The following DRICH1 variants were observed in gnomAD, a reference collection of about 807,000 sequenced individuals.
DRICH1 encodes aspartate-rich protein 1.
In DRICH1, 38 loss-of-function variants were observed where a neutral mutation model predicts 39.5. That is an observed-to-expected ratio of 0.96 (90% CI 0.74 to 1.26). DRICH1 has a LOEUF of 1.26. DRICH1 is among the 50% of genes most tolerant of loss of function. DRICH1 has a pLI of 0.00. For missense variants in DRICH1, 279 were observed against 270.4 expected (o/e 1.03, Z -0.22); for synonymous variants, 84 against 99.5 (o/e 0.84, Z 0.93).
chr22:23,625,960 G>T, intron 2 of DRICH1, 21 bp downstream of exon 2: 2 of 1,599,366 alleles, frequency 1.3e-6, no homozygotes, highest in Non-Finnish European at 1.7e-6. Flanking sequence ...TTCCTTAGAA[G>T]GCAAAGAAAG....
At position 23,613,942 on chromosome 22, in the gene DRICH1, C is replaced by T. The variant is rs185959504; in HGVS notation, c.621+193G>A. 2.1e-3 allele frequency among the ~76,000 whole-genome samples: 321 copies of T among 152,242 alleles called. 1 individual carries two copies. The highest frequency in any genetic ancestry group is 6.8e-3 in the African/African-American group (284 of 41,540). ...TCAGTATTCCAGTTGATAATGGATG[C>T]TGTCATTTAAAAGCACCCTAGTGGA... On this transcript the variant is annotated intron_variant, in intron 9 of 11. Transcript: ENST00000317749.
At chr22:23,591,230 G>C in the DRICH1 span, among the ~76,000 whole-genome samples, 1 of 152,126 alleles carries the variant, frequency 6.6e-6, no homozygotes, top group Non-Finnish European at 1.5e-5. Flanking sequence ...AAGACACTGA[G>C]TCCCAAGCAG....
chr22:23,632,498 T>C (rs1326473061), upstream of DRICH1, among the ~76,000 whole-genome samples: 1 of 152,136 alleles, frequency 6.6e-6, no homozygotes, highest in Non-Finnish European at 1.5e-5. Flanking sequence ...TGCCCCTCTG[T>C]GGGGACTGCA....
chr22:23,623,586 A>C (rs1279656473), intron 3 of DRICH1, among the ~76,000 whole-genome samples: 1 of 152,244 alleles, frequency 6.6e-6, no homozygotes, highest in East Asian at 1.9e-4. Flanking sequence ...CTACACAAAT[A>C]ATCTACAGAT....
chr22:23,616,961 C>T (rs1927392025), intron 7 of DRICH1, 87 bp from the exon 8 acceptor site: 2 of 1,472,268 alleles, frequency 1.4e-6, no homozygotes, highest in Non-Finnish European at 1.9e-6. Context: ...TTGATGACTT[C>T]ACAAAACTAT....
the DRICH1 span, among the ~76,000 whole-genome samples, chr22:23,600,636 C>G: frequency 6.6e-6 from 1 of 151,930 alleles, no homozygotes; most frequent in Non-Finnish European, 1.5e-5. Context: ...TCCCCACCCC[C>G]ACTAGCCTCC....
chr22:23,597,504 A>C, the DRICH1 span, among the ~76,000 whole-genome samples: 7 of 145,520 alleles, frequency 4.8e-5, no homozygotes, highest in African/African-American at 1.8e-4. Context: ...CCCTGTCTCA[A>C]AAAAAAAAAA....
chr22:23,632,363 T>C (rs1921011577), upstream of DRICH1: 2 of 315,020 alleles, frequency 6.3e-6, no homozygotes, highest in African/African-American at 2.1e-5. Context: ...CCCACAAAGC[T>C]TCCTATGTCA....
intron 2 of DRICH1, 100 bp downstream of exon 2, chr22:23,625,881 T>G: frequency 1.1e-6 from 1 of 903,570 alleles, no homozygotes; most frequent in Non-Finnish European, 1.8e-6. Flanking sequence ...TTTGCTGTTC[T>G]GCAGGCCTCT....
chr22:23,617,222 C>T (rs1927408338), intron 7 of DRICH1, among the ~76,000 whole-genome samples: 1 of 152,216 alleles, frequency 6.6e-6, no homozygotes. Context: ...TCCCACTGAA[C>T]TCCATCCTCA....
intron 5 of DRICH1, among the ~76,000 whole-genome samples, chr22:23,619,867 CT>C (rs1451138479): frequency 1.3e-5 from 2 of 152,162 alleles, no homozygotes; most frequent in East Asian, 1.9e-4. Flanking sequence ...AATGAATGTG[CT>C]GCCATGAAAC....
upstream of DRICH1, among the ~76,000 whole-genome samples, chr22:23,632,545 T>TGGAAAGC (rs1188728675): frequency 6.6e-6 from 1 of 152,166 alleles, no homozygotes; most frequent in Non-Finnish European, 1.5e-5. Flanking sequence ...CTGCCTGAGC[T>TGGAAAGC]TTCCAGTCCT....
rs780171971 is a variant in DRICH1 at position 23,620,616 on chromosome 22, C to G, written c.385-1G>C. On this transcript the variant is annotated splice_acceptor_variant, in intron 4 of 11. Coordinates refer to ENST00000317749, the MANE Select transcript of DRICH1 (RefSeq NM_016449.4). LOFTEE classifies it high-confidence loss of function. ...TACCCTGGACACGTGACGGTAAAAT[C>G]TGCAACGAGACAAAAGAAGATGCTA... 4.3e-6 allele frequency: 7 copies of G among 1,613,928 alleles called. No homozygotes were observed. Among genetic ancestry groups the G allele is most frequent in the Non-Finnish European group, 5.9e-6 (7 of 1,179,838 alleles).
chr22:23,626,135 G>A, intron 1 of DRICH1, 87 bp from the exon 2 acceptor site: 1 of 874,808 alleles, frequency 1.1e-6, no homozygotes, highest in South Asian at 1.4e-5. Context: ...GGCACATGGA[G>A]CGTGGGACTG....
intron 1 of DRICH1, among the ~76,000 whole-genome samples, chr22:23,628,377 G>A (rs1928195288): frequency 6.6e-6 from 1 of 152,034 alleles, no homozygotes; most frequent in Non-Finnish European, 1.5e-5. Context: ...GACCAGCCTG[G>A]CCAACATGGA....
At chr22:23,598,033 G>T in the DRICH1 span, among the ~76,000 whole-genome samples, 145 of 150,644 alleles carry the variant, frequency 9.6e-4, no homozygotes, top group African/African-American at 3.5e-3. Flanking sequence ...TTAGCCTGGG[G>T]ATTCCCAAGG....
At chr22:23,626,136 C>T (rs375531360) in intron 1 of DRICH1, 88 bp from the exon 2 acceptor site, 11 of 872,720 alleles carry the variant, frequency 1.3e-5, no homozygotes, top group East Asian at 2.4e-5. Context: ...GCACATGGAG[C>T]GTGGGACTGA....
rs1259999278 is a variant in DRICH1 at position 23,608,752 on chromosome 22, C to T, written c.*12G>A. On this transcript the variant is annotated 3_prime_UTR_variant, in exon 12 of 12. Transcript: ENST00000317749. ...TTTGGGTCAGCACCCTGGTCAGCTCCACAGAAGGGCTTCACCCTGGATGAA... is the reference window on the plus strand; with the variant it reads ...TTTGGGTCAGCACCCTGGTCAGCTCTACAGAAGGGCTTCACCCTGGATGAA... 6.4e-7 allele frequency: 1 copy of T among 1,559,284 alleles called. No individual in the cohort carries two copies. The highest frequency in any genetic ancestry group is 1.9e-5 in the Admixed American group (1 of 52,016).
chr22:23,617,486 G>C (rs1927429218), intron 7 of DRICH1, 89 bp downstream of exon 7: 2 of 1,440,994 alleles, frequency 1.4e-6, no homozygotes, highest in African/African-American at 2.8e-5. Context: ...TCAGCTGCCT[G>C]AGTCCATTCT....
Sources: allele counts gnomAD v4.1 joint callset (sites outside exome capture counted in the v4.1 genomes callset), GRCh38; gene constraint gnomAD v4.1.1; transcripts MANE v1.5; gene names NCBI Gene and HGNC (gene_info 2026-07-23, HGNC 2026-07-21).